The following EPHB1 variants were observed in gnomAD, a reference collection of about 807,000 sequenced individuals.
The protein encoded by EPHB1 is ephrin type-B receptor 1.
Under a neutral mutation model 94.4 loss-of-function variants are expected in EPHB1, and 30 were observed. That is an observed-to-expected ratio of 0.32 (90% CI 0.24 to 0.43). The LOEUF (loss-of-function observed/expected upper bound fraction) is 0.43. Among genes scored for constraint, EPHB1 ranks in the 20% least tolerant of loss-of-function variants. EPHB1 has a pLI of 1.00. For synonymous variants in EPHB1, 522 were observed against 489.1 expected, an observed-to-expected ratio of 1.07 and a Z score of -0.89; for missense variants, 1,055 against 1,308.3, an observed-to-expected ratio of 0.81 and a Z score of 2.99.
At chr3:135,242,839 A>G (rs143007350) in intron 13 of EPHB1, among the ~76,000 whole-genome samples, 225 of 152,242 alleles carry the variant, frequency 1.5e-3, no homozygotes, top group African/African-American at 5.0e-3. Context: ...GCACCTTGGA[A>G]GGTGGAGGCA....
At chr3:135,183,774 G>T (rs1942254513) in intron 10 of EPHB1, among the ~76,000 whole-genome samples, 1 of 152,200 alleles carries the variant, frequency 6.6e-6, no homozygotes, top group Non-Finnish European at 1.5e-5. Flanking sequence ...AAAGAAAGTT[G>T]CTGGAGAGGG....
intron 3 of EPHB1, among the ~76,000 whole-genome samples, chr3:134,983,173 G>A (rs1934471361): frequency 6.6e-6 from 1 of 152,182 alleles, no homozygotes; most frequent in Admixed American, 6.5e-5. Context: ...AGGTCAAATT[G>A]CTTTGTCTGT....
intron 11 of EPHB1, among the ~76,000 whole-genome samples, chr3:135,195,456 G>A (rs1345209906): frequency 6.6e-6 from 1 of 151,538 alleles, no homozygotes; most frequent in African/African-American, 2.4e-5. Context: ...CTAGCATTAG[G>A]TATATCTCCC....
intron 5 of EPHB1, among the ~76,000 whole-genome samples, chr3:135,142,820 C>T (rs1940873287): frequency 6.6e-6 from 1 of 152,260 alleles, no homozygotes; most frequent in South Asian, 2.1e-4. Flanking sequence ...AAGACAAAGA[C>T]TGAAGCTCAT....
chr3:135,164,959 C>T (rs141434408), intron 7 of EPHB1, among the ~76,000 whole-genome samples: 41 of 152,094 alleles, frequency 2.7e-4, no homozygotes, highest in Non-Finnish European at 3.5e-4. Flanking sequence ...TATACTAAAA[C>T]CTTTTTCATT....
chr3:134,802,787 T>C (rs534500641), intron 1 of EPHB1, among the ~76,000 whole-genome samples: 2 of 152,202 alleles, frequency 1.3e-5, no homozygotes, highest in African/African-American at 4.8e-5. Flanking sequence ...GAGTTCATTA[T>C]GCTCCCAGCC....
chr3:135,248,239 A>C, intron 13 of EPHB1, 77 bp from the exon 14 acceptor site: 1 of 1,392,904 alleles, frequency 7.2e-7, no homozygotes, highest in Admixed American at 2.2e-5. Flanking sequence ...GGGAGGCTCC[A>C]TATAAAGGGG....
intron 13 of EPHB1, among the ~76,000 whole-genome samples, chr3:135,246,949 A>C (rs948594659): frequency 3.3e-5 from 5 of 152,188 alleles, no homozygotes; most frequent in African/African-American, 4.8e-5. Context: ...AAACTAACTG[A>C]AAATACTCAC....
Position 135,252,483 on chromosome 3 carries a change from C to G in EPHB1, c.2846+2992C>G, listed in dbSNP as rs1470927142. ...ATGCGGTGTTTGGTTTTTTGTTCTC[C>G]CGATAGTTTACTGAGAATGATGATT... On this transcript the variant is annotated intron_variant, in intron 15 of 15. Coordinates refer to ENST00000398015, the MANE Select transcript of EPHB1 (RefSeq NM_004441.5). Among the ~76,000 whole-genome samples the G allele has an allele frequency of 3.6e-4, 54 of 149,098 alleles. No individual in the cohort carries two copies. In the South Asian group the frequency reaches 9.5e-3, roughly 26 times the overall value.
chr3:134,920,631 A>G lies in EPHB1; in HGVS notation c.59-5185A>G, dbSNP rs141474011. ...CTGAATATCTGATTAATGTCTCTCC[A>G]AAAAGCATGGAGGAGCTGTAAAAAG... On this transcript the variant is annotated intron_variant, in intron 1 of 15. Transcript: ENST00000398015. 8.4e-3 allele frequency among the ~76,000 whole-genome samples: 1,276 copies of G among 152,352 alleles called. 20 individuals are homozygous for G. Among genetic ancestry groups the G allele is most frequent in the African/African-American group, 0.029 (1,205 of 41,592 alleles).
At chr3:134,918,679 C>T (rs1300920139) in intron 1 of EPHB1, among the ~76,000 whole-genome samples, 1 of 152,164 alleles carries the variant, frequency 6.6e-6, no homozygotes, top group Non-Finnish European at 1.5e-5. Context: ...TCTTTCACTG[C>T]TCACATTCTG....
At chr3:134,829,980 C>T (rs1250349731) in intron 1 of EPHB1, among the ~76,000 whole-genome samples, 1 of 152,152 alleles carries the variant, frequency 6.6e-6, no homozygotes, top group African/African-American at 2.4e-5. Flanking sequence ...ACCAACCCTG[C>T]CAACACCGTG....
intron 1 of EPHB1, among the ~76,000 whole-genome samples, chr3:134,876,112 G>A (rs1030472965): frequency 3.3e-5 from 5 of 152,140 alleles, no homozygotes; most frequent in Non-Finnish European, 5.9e-5. Flanking sequence ...GTCCCTGTGG[G>A]ATAAGTGTCA....
chr3:135,231,754 G>C (rs1403195506), intron 12 of EPHB1, among the ~76,000 whole-genome samples: 1 of 152,070 alleles, frequency 6.6e-6, no homozygotes, highest in Non-Finnish European at 1.5e-5. Context: ...GTGTCTTTTT[G>C]GGTTGTCTTT....
At chr3:135,239,395 G>C (rs1438839697) in intron 12 of EPHB1, among the ~76,000 whole-genome samples, 2 of 152,142 alleles carry the variant, frequency 1.3e-5, no homozygotes, top group East Asian at 3.9e-4. Flanking sequence ...AGAATGGGCA[G>C]TATAAAAATA....
chr3:134,851,676 G>A (rs968162440), intron 1 of EPHB1, among the ~76,000 whole-genome samples: 6 of 152,258 alleles, frequency 3.9e-5, no homozygotes, highest in Admixed American at 1.3e-4. Context: ...GCCATTTTCC[G>A]CTGCCTGACA....
intron 12 of EPHB1, among the ~76,000 whole-genome samples, chr3:135,232,679 G>T (rs572415197): frequency 1.3e-5 from 2 of 152,168 alleles, no homozygotes; most frequent in Non-Finnish European, 2.9e-5. Flanking sequence ...AAAAATATTT[G>T]CTGTATTAGT....
intron 9 of EPHB1, among the ~76,000 whole-genome samples, chr3:135,172,207 A>G (rs1489413479): frequency 6.6e-6 from 1 of 152,234 alleles, no homozygotes; most frequent in Admixed American, 6.5e-5. Flanking sequence ...GCCAGTGTTC[A>G]GTGCTGCAGA....
chr3:134,955,067 C>CTTTTTTTTTTTTTT (rs1309937375), intron 3 of EPHB1, among the ~76,000 whole-genome samples: 1 of 7,098 alleles, frequency 1.4e-4, no homozygotes, highest in African/African-American at 4.0e-4. Context: ...TCCTGACATC[C>CTTTTTTTTTTTTTT]TTTCTTTTTT....
Sources: gnomAD v4.1 joint callset for allele counts (sites outside exome capture counted in the v4.1 genomes callset) on GRCh38, gnomAD v4.1.1 for gene constraint, MANE v1.5 for transcripts, NCBI Gene and HGNC (gene_info 2026-07-23, HGNC 2026-07-21) for gene names.